Variants in SCD5 observed in about 807,000 individuals in gnomAD.
SCD5 encodes the protein acyl-CoA-desaturase 4.
A neutral mutation model predicts 30.4 loss-of-function variants in SCD5; 20 were observed. The observed-to-expected ratio is 0.66, with a 90% CI of 0.46 to 0.96. SCD5 has a LOEUF of 0.96. SCD5 is among the 40% of genes least tolerant of loss of function. SCD5 has a pLI of 0.00. For missense variants in SCD5, 381 were observed against 443.3 expected, an observed-to-expected ratio of 0.86 and a Z score of 1.26; for synonymous variants, 173 against 176.4, an observed-to-expected ratio of 0.98 and a Z score of 0.16.
At chr4:82,729,738 C>G (rs1259546988) in intron 1 of SCD5, among the ~76,000 whole-genome samples, 4 of 152,178 alleles carry the variant, frequency 2.6e-5, no homozygotes, top group African/African-American at 9.7e-5. Context: ...TGCCCTCCCC[C>G]TATTTACCTA....
At chr4:82,756,596 GCACC>G (rs1721238396) in intron 1 of SCD5, among the ~76,000 whole-genome samples, 1 of 151,984 alleles carries the variant, frequency 6.6e-6, no homozygotes, top group Non-Finnish European at 1.5e-5. Flanking sequence ...GTGGTGGTGT[GCACC>G]TGTAATCCCA....
chr4:82,761,943 A>C (rs1378521137), intron 1 of SCD5, among the ~76,000 whole-genome samples: 1 of 151,830 alleles, frequency 6.6e-6, no homozygotes, highest in Non-Finnish European at 1.5e-5. Context: ...GAGGCCAAGG[A>C]GGGCAGACTG....
chr4:82,680,951 G>A (rs766084057), intron 2 of SCD5, 39 bp from the exon 3 acceptor site: 5 of 1,567,688 alleles, frequency 3.2e-6, no homozygotes, highest in Middle Eastern at 2.1e-4. Flanking sequence ...GAGAGGAACC[G>A]CACCGCCGAG....
chr4:82,762,980 C>G (rs1011035734), intron 1 of SCD5, among the ~76,000 whole-genome samples: 1 of 152,156 alleles, frequency 6.6e-6, no homozygotes, highest in African/African-American at 2.4e-5. Flanking sequence ...TGGTCCCCCT[C>G]TGTAGGGCTC....
chr4:82,712,445 G>C, intron 1 of SCD5, among the ~76,000 whole-genome samples: 1 of 149,436 alleles, frequency 6.7e-6, no homozygotes. Flanking sequence ...AGCCTCCTGA[G>C]TAGCTGGGAT....
At chr4:82,669,154 T>C (rs4345171) in intron 3 of SCD5, among the ~76,000 whole-genome samples, 26,931 of 151,502 alleles carry the variant, frequency 0.18, 3,109 homozygotes, top group East Asian at 0.4. Context: ...TCCCACTCCA[T>C]TGAGAATCCC....
chr4:82,691,421 G>T (rs1456106561), intron 2 of SCD5, among the ~76,000 whole-genome samples: 2 of 152,166 alleles, frequency 1.3e-5, no homozygotes, highest in Non-Finnish European at 2.9e-5. Context: ...TAGAGGGAAG[G>T]ACTTGGAACA....
At chr4:82,765,809 G>A (rs571147499) in intron 1 of SCD5, among the ~76,000 whole-genome samples, 7 of 151,992 alleles carry the variant, frequency 4.6e-5, no homozygotes, top group South Asian at 2.1e-4. Context: ...TAGTAGAGGC[G>A]GGGTTTCACC....
chr4:82,643,349 A>C (rs1727581186), intron 3 of SCD5, among the ~76,000 whole-genome samples: 1 of 152,236 alleles, frequency 6.6e-6, no homozygotes, highest in African/African-American at 2.4e-5. Context: ...ATGAGTAGAC[A>C]AACAATGCTG....
chr4:82,631,578 A>G, intron 4 of SCD5, 61 bp from the exon 5 acceptor site: 10 of 1,549,844 alleles, frequency 6.5e-6, no homozygotes, highest in Non-Finnish European at 8.8e-6. Context: ...AGATGTTTTG[A>G]ATCACCTATT....
At chr4:82,660,391 A>G in intron 3 of SCD5, 1 of 784,974 alleles carries the variant, frequency 1.3e-6, no homozygotes, top group Non-Finnish European at 1.6e-6. Flanking sequence ...TTATAGAAAT[A>G]CATCTGGAAA....
chr4:82,695,517 C>T (rs1719679498), intron 2 of SCD5, among the ~76,000 whole-genome samples: 1 of 152,074 alleles, frequency 6.6e-6, no homozygotes, highest in African/African-American at 2.4e-5. Flanking sequence ...ATGGATGATA[C>T]CCAGACTTCT....
intron 2 of SCD5, among the ~76,000 whole-genome samples, chr4:82,704,836 C>T (rs1186765432): frequency 1.3e-5 from 2 of 152,194 alleles, no homozygotes; most frequent in Non-Finnish European, 2.9e-5. Flanking sequence ...GCTTTTTAGG[C>T]ATATGATTTG....
chr4:82,772,745 G>A (rs1023455006), intron 1 of SCD5, among the ~76,000 whole-genome samples: 3 of 152,164 alleles, frequency 2.0e-5, no homozygotes, highest in Non-Finnish European at 2.9e-5. Context: ...GTGCTCCCCC[G>A]CTGTGCTCCC....
At chr4:82,752,185 T>C (rs1336224346) in intron 1 of SCD5, among the ~76,000 whole-genome samples, 1 of 151,934 alleles carries the variant, frequency 6.6e-6, no homozygotes, top group Non-Finnish European at 1.5e-5. Context: ...TGCTCATGTA[T>C]GGGAATTTGT....
At chr4:82,756,181 G>C (rs1721229640) in intron 1 of SCD5, among the ~76,000 whole-genome samples, 1 of 152,158 alleles carries the variant, frequency 6.6e-6, no homozygotes, top group Non-Finnish European at 1.5e-5. Flanking sequence ...AGAATCATCA[G>C]TCAATGGCAC....
chr4:82,793,852 A>G (rs565140461), intron 1 of SCD5, among the ~76,000 whole-genome samples: 1 of 152,288 alleles, frequency 6.6e-6, no homozygotes, highest in South Asian at 2.1e-4. Context: ...CTGCCTGTCT[A>G]CTGAGCCTTG....
At chr4:82,653,676 T>TGATAGATAGATAGATAGATA (rs1553914392) in intron 3 of SCD5, among the ~76,000 whole-genome samples, 13,762 of 136,504 alleles carry the variant, frequency 0.1, 779 homozygotes, top group Non-Finnish European at 0.1. Context: ...TGAAAGTCAA[T>TGATAGATAGATAGATAGATA]GATAGATAGA....
chr4:82,721,440 C>T (rs1001022200), intron 1 of SCD5, among the ~76,000 whole-genome samples: 5 of 152,162 alleles, frequency 3.3e-5, no homozygotes, highest in Admixed American at 2.6e-4. Flanking sequence ...TGTGTCCCCC[C>T]AAAATTCAAA....
Sources: gnomAD v4.1 joint callset for allele counts (sites outside exome capture counted in the v4.1 genomes callset) on GRCh38, gnomAD v4.1.1 for gene constraint, MANE v1.5 for transcripts, NCBI Gene and HGNC (gene_info 2026-07-23, HGNC 2026-07-21) for gene names.